Variants in CNTNAP2 observed in about 807,000 individuals in gnomAD.
CNTNAP2 encodes contactin-associated protein-like 2.
CNTNAP2 carries 98 observed loss-of-function variants against 155.2 expected under a neutral mutation model. That is an observed-to-expected ratio of 0.63 (90% CI 0.54 to 0.75). The LOEUF (loss-of-function observed/expected upper bound fraction) is 0.75, where lower values mean the gene tolerates loss of function less well. Among genes scored for constraint, CNTNAP2 ranks in the 30% least tolerant of loss-of-function variants. The probability of loss-of-function intolerance (pLI) is 0.00; values close to 1 mark genes in which losing one functional copy is unlikely to be tolerated. For missense variants in CNTNAP2, 1,727 were observed against 1,688.1 expected (o/e 1.02, Z -0.40); for synonymous variants, 651 against 631.2 (o/e 1.03, Z -0.47).
intron 3 of CNTNAP2, among the ~76,000 whole-genome samples, chr7:146,938,727 T>C (rs555714071): frequency 6.6e-6 from 1 of 152,258 alleles, no homozygotes; most frequent in Admixed American, 6.5e-5. Flanking sequence ...TATTATTCTG[T>C]ATATTCCTTA....
At position 148,201,928 on chromosome 7, in the gene CNTNAP2, C is replaced by T. The variant is rs73744775; in HGVS notation, c.3011-15360C>T. ...ATTATAGTAAACAAATTGACGCACA[C>T]GGTTGTTGTTAGTGAAGGACAGTAT... is the stretch of plus-strand genomic sequence containing the variant. On this transcript the variant is annotated intron_variant, in intron 18 of 23. Coordinates refer to ENST00000361727, the MANE Select transcript of CNTNAP2 (RefSeq NM_014141.6). Among the ~76,000 whole-genome samples the T allele has an allele frequency of 4.5e-3, 684 of 151,790 alleles. 5 individuals carry two copies. Among genetic ancestry groups the T allele is most frequent in the African/African-American group, 0.015 (640 of 41,370 alleles).
chr7:147,322,550 T>C (rs995701373), intron 9 of CNTNAP2, among the ~76,000 whole-genome samples: 23 of 151,638 alleles, frequency 1.5e-4, no homozygotes, highest in Admixed American at 1.5e-3. Flanking sequence ...TTTGGTTGTG[T>C]CTCTGCCCGG....
At chr7:148,271,997 G>T (rs1796789253) in intron 21 of CNTNAP2, among the ~76,000 whole-genome samples, 1 of 152,048 alleles carries the variant, frequency 6.6e-6, no homozygotes, top group Admixed American at 6.6e-5. Flanking sequence ...AGAAGAAGAT[G>T]GCTCTAAATA....
At chr7:146,503,695 C>T (rs1028757574) in intron 1 of CNTNAP2, among the ~76,000 whole-genome samples, 3 of 152,182 alleles carry the variant, frequency 2.0e-5, no homozygotes, top group Non-Finnish European at 4.4e-5. Context: ...AGAGACTGTA[C>T]TTTACCTAAT....
At chr7:147,940,916 G>T (rs1341720729) in intron 14 of CNTNAP2, among the ~76,000 whole-genome samples, 2 of 152,130 alleles carry the variant, frequency 1.3e-5, no homozygotes, top group Non-Finnish European at 2.9e-5. Flanking sequence ...AGTTTCAATC[G>T]TAATATTTGA....
intron 18 of CNTNAP2, among the ~76,000 whole-genome samples, chr7:148,187,001 A>C (rs1291958847): frequency 6.6e-6 from 1 of 151,906 alleles, no homozygotes; most frequent in Non-Finnish European, 1.5e-5. Flanking sequence ...CTATCTTATC[A>C]CCCTGATGAC....
At chr7:146,283,835 C>T (rs1394300443) in intron 1 of CNTNAP2, among the ~76,000 whole-genome samples, 1 of 152,056 alleles carries the variant, frequency 6.6e-6, no homozygotes, top group East Asian at 1.9e-4. Context: ...GGGTTGACTA[C>T]ACACCTATTG....
At chr7:147,764,670 T>C (rs1049213488) in intron 13 of CNTNAP2, among the ~76,000 whole-genome samples, 2 of 152,214 alleles carry the variant, frequency 1.3e-5, no homozygotes, top group Admixed American at 6.5e-5. Flanking sequence ...TAAAACTCAC[T>C]GAGAAAGATC....
chr7:146,320,605 T>C (rs1800984144), intron 1 of CNTNAP2, among the ~76,000 whole-genome samples: 1 of 152,176 alleles, frequency 6.6e-6, no homozygotes, highest in Admixed American at 6.6e-5. Context: ...CCTTTAAGCA[T>C]ACTGAGGGTT....
intron 1 of CNTNAP2, among the ~76,000 whole-genome samples, chr7:146,363,324 G>A (rs1860682): frequency 0.5 from 75,549 of 151,990 alleles, 22,551 homozygotes; most frequent in African/African-American, 0.84. Flanking sequence ...TGTCTCTATC[G>A]TCTATCTAAC....
rs114998540 is a variant in CNTNAP2 at position 147,722,455 on chromosome 7, C to T, written c.2098+83149C>T. Among the ~76,000 whole-genome samples, 613 of 152,124 alleles carry T rather than the reference C, an allele frequency of 4.0e-3. 1 individual carries two copies. Among genetic ancestry groups the T allele is most frequent in the African/African-American group, 0.014 (566 of 41,520 alleles). ...ATCAAAGTATGATATTTCTGGGGTT[C>T]GACCACAGTTACAGGAAGGTCATAG... On this transcript the variant is annotated intron_variant, in intron 13 of 23. Transcript: ENST00000361727.
At chr7:147,287,828 T>C (rs1032496228) in intron 8 of CNTNAP2, among the ~76,000 whole-genome samples, 1 of 152,126 alleles carries the variant, frequency 6.6e-6, no homozygotes, top group Non-Finnish European at 1.5e-5. Context: ...CGACAGCCAG[T>C]CAATGACCCA....
chr7:147,990,174 G>A (rs1277385085), intron 15 of CNTNAP2, among the ~76,000 whole-genome samples: 1 of 152,172 alleles, frequency 6.6e-6, no homozygotes, highest in African/African-American at 2.4e-5. Flanking sequence ...ATCAAGTCTA[G>A]CCAAATGAAG....
intron 3 of CNTNAP2, among the ~76,000 whole-genome samples, chr7:147,007,161 G>A (rs1798541241): frequency 6.6e-6 from 1 of 151,946 alleles, no homozygotes; most frequent in Non-Finnish European, 1.5e-5. Flanking sequence ...TTACCTTTAG[G>A]GTGAGCCAAG....
intron 11 of CNTNAP2, among the ~76,000 whole-genome samples, chr7:147,541,994 G>T (rs959317011): frequency 6.6e-6 from 1 of 152,268 alleles, no homozygotes; most frequent in African/African-American, 2.4e-5. Flanking sequence ...AGCTTTTTCA[G>T]AATTTCAGGT....
chr7:147,709,218 G>A (rs1796366035), intron 13 of CNTNAP2, among the ~76,000 whole-genome samples: 1 of 152,076 alleles, frequency 6.6e-6, no homozygotes, highest in Non-Finnish European at 1.5e-5. Context: ...ATCCCCTACA[G>A]GACTTCTCCA....
chr7:147,389,816 T>A (rs1796678793), intron 9 of CNTNAP2, among the ~76,000 whole-genome samples: 1 of 152,232 alleles, frequency 6.6e-6, no homozygotes, highest in South Asian at 2.1e-4. Flanking sequence ...GTATTTTTTA[T>A]TCCAAATTCA....
intron 13 of CNTNAP2, chr7:147,849,888 A>G (rs139383371): frequency 2.0e-5 from 3 of 152,400 alleles, no homozygotes; most frequent in South Asian, 2.1e-4. Flanking sequence ...CAACCTGTCT[A>G]TGGCCTTACC....
At chr7:147,038,524 T>G (rs1400890913) in intron 3 of CNTNAP2, among the ~76,000 whole-genome samples, 1 of 152,218 alleles carries the variant, frequency 6.6e-6, no homozygotes, top group Non-Finnish European at 1.5e-5. Context: ...TACTTTGTCT[T>G]TCTCTGACTT....
Sources: allele counts gnomAD v4.1 joint callset (sites outside exome capture counted in the v4.1 genomes callset), GRCh38; gene constraint gnomAD v4.1.1; transcripts MANE v1.5; gene names NCBI Gene and HGNC (gene_info 2026-07-23, HGNC 2026-07-21).